ENTPD6: variants seen among roughly 807,000 people sequenced by gnomAD.
ENTPD6 encodes the protein CD39 antigen-like 2.
In ENTPD6, 46 loss-of-function variants were observed where a neutral mutation model predicts 61.5. The observed-to-expected ratio is 0.75, with a 90% CI of 0.59 to 0.96. The LOEUF (loss-of-function observed/expected upper bound fraction) is 0.96, where lower values mean the gene tolerates loss of function less well. ENTPD6 is among the 40% of genes least tolerant of loss of function. The pLI is 0.00. For missense variants in ENTPD6, 612 were observed against 629.0 expected, an observed-to-expected ratio of 0.97 and a Z score of 0.29; for synonymous variants, 252 against 255.5, an observed-to-expected ratio of 0.99 and a Z score of 0.13.
chr20:25,218,669 A>C, intron 10 of ENTPD6, 55 bp downstream of exon 10: 1 of 1,507,754 alleles, frequency 6.6e-7, no homozygotes, highest in Non-Finnish European at 8.9e-7. Flanking sequence ...CTCCATTCTC[A>C]GTGGGAACGA....
chr20:25,215,574 C>A (rs2092267632), intron 6 of ENTPD6, 102 bp from the exon 7 acceptor site: 1 of 1,229,316 alleles, frequency 8.1e-7, no homozygotes, highest in Non-Finnish European at 1.2e-6. Flanking sequence ...GAAGTGATCC[C>A]TTTATGCTCC....
At chr20:25,222,614 T>A in intron 11 of ENTPD6, 1 of 506,978 alleles carries the variant, frequency 2.0e-6, no homozygotes, top group Non-Finnish European at 3.5e-6. Context: ...GTGCCCACGG[T>A]CTTCACTCCC....
intron 1 of ENTPD6, among the ~76,000 whole-genome samples, chr20:25,203,190 T>G (rs531422424): frequency 6.6e-6 from 1 of 152,200 alleles, no homozygotes; most frequent in South Asian, 2.1e-4. Context: ...GCCATTCTTT[T>G]GCTGCTTTCA....
In ENTPD6 at chr20:25,215,664, A is replaced by G. The variant is rs114620027; in HGVS notation, c.674-12A>G. 2.7e-3 allele frequency: 4,396 copies of G among 1,613,880 alleles called. 115 individuals are homozygous for G. The African/African-American group carries it at 0.053, about 19-fold the overall frequency. On this transcript the variant is annotated splice_polypyrimidine_tract_variant and intron_variant, in intron 6 of 14. Transcript: ENST00000376652. ...AAGTGATTAAAATAATGCCTGTGAC[A>G]CTCTCTTGCAGGCGTTTCGGCGTGG...
At chr20:25,200,094 G>A (rs2090912593) in intron 1 of ENTPD6, among the ~76,000 whole-genome samples, 1 of 152,206 alleles carries the variant, frequency 6.6e-6, no homozygotes, top group Admixed American at 6.5e-5. Flanking sequence ...CCCACCAGCA[G>A]CGCACAAGGG....
In ENTPD6 at chr20:25,225,561, C is replaced by T. The variant is rs200498069; in HGVS notation, c.1419C>T (p.Ile473=). ...SWALGAIFHY[I]DSLNRQKSPA... ...CTCTGGGGGCCATTTTTCATTACAT[C>T]GACTCCCTGAACAGACAGAAGAGTC... Residue 473 remains isoleucine, a synonymous_variant, in exon 15 of 15, where the codon ATC becomes ATT. Coordinates refer to ENST00000376652, the MANE Select transcript of ENTPD6 (RefSeq NM_001247.5). 47 of 1,614,070 alleles carry T rather than the reference C, an allele frequency of 2.9e-5. No homozygotes were observed. The Middle Eastern group carries it at 1.3e-3, about 45-fold the overall frequency.
At chr20:25,200,509 T>G (rs968035252) in intron 1 of ENTPD6, among the ~76,000 whole-genome samples, 1 of 152,210 alleles carries the variant, frequency 6.6e-6, no homozygotes, top group African/African-American at 2.4e-5. Flanking sequence ...AATTCTTTAT[T>G]ATTTATCTTG....
chr20:25,227,999 G>A lies in ENTPD6; in HGVS notation c.*2402G>A, dbSNP rs555723095. 3.9e-5 allele frequency among the ~76,000 whole-genome samples: 6 copies of A among 152,232 alleles called. No homozygotes were observed. In the East Asian group the frequency reaches 9.6e-4, roughly 24 times the overall value. ...GAAACATCTGTTCATATCCCTTGCC[G>A]ATTTTCTATAAGATTGTCATCATTT... On this transcript the variant is annotated 3_prime_UTR_variant, in exon 15 of 15. Transcript: ENST00000376652.
At chr20:25,202,180 A>T (rs2091095905) in intron 1 of ENTPD6, among the ~76,000 whole-genome samples, 1 of 152,194 alleles carries the variant, frequency 6.6e-6, no homozygotes, top group Non-Finnish European at 1.5e-5. Context: ...CATTGTCTTC[A>T]TGTTGAGTAA....
At chr20:25,205,272 G>A (rs572278997) in intron 1 of ENTPD6, among the ~76,000 whole-genome samples, 7 of 152,282 alleles carry the variant, frequency 4.6e-5, no homozygotes, top group African/African-American at 1.7e-4. Flanking sequence ...CAGAGAGTGC[G>A]TGATGGGGCA....
chr20:25,225,504 T>C lies in ENTPD6; in HGVS notation c.1362T>C (p.Thr454=), dbSNP rs1304365062. The change falls in exon 15 of 15, where the codon ACT becomes ACC. Residue 454 remains threonine, a synonymous_variant. Transcript: ENST00000376652. ...TCCCTCTCTGTCTTTTCAAGCTCAC[T>C]CGGAAAATTGACAATGTTGAGACCA... ...GFPRSKVLKL[T]RKIDNVETSW... is the part of the protein sequence containing the mutation. 1 of 1,613,654 alleles carries C rather than the reference T, an allele frequency of 6.2e-7. No homozygotes were observed. Among genetic ancestry groups the C allele is most frequent in the African/African-American group, 1.3e-5 (1 of 74,898 alleles).
chr20:25,196,184 G>A (rs2090380838), intron 1 of ENTPD6: 2 of 1,201,018 alleles, frequency 1.7e-6, no homozygotes, highest in African/African-American at 1.6e-5. Flanking sequence ...CCCAGTCTGC[G>A]TCAGGGACAG....
chr20:25,206,449 G>T, intron 1 of ENTPD6, 73 bp from the exon 2 acceptor site: 1 of 1,166,804 alleles, frequency 8.6e-7, no homozygotes, highest in Non-Finnish European at 1.3e-6. Flanking sequence ...GGCACCCAGT[G>T]AATTTATTTT....
chr20:25,211,704 G>A (rs2091971309), intron 4 of ENTPD6, among the ~76,000 whole-genome samples: 1 of 152,178 alleles, frequency 6.6e-6, no homozygotes, highest in African/African-American at 2.4e-5. Flanking sequence ...CTCTTCTGAA[G>A]GACATTTAGA....
At chr20:25,217,716 C>G (rs994956193) in intron 9 of ENTPD6, 135 bp downstream of exon 9, 6 of 661,006 alleles carry the variant, frequency 9.1e-6, no homozygotes, top group Non-Finnish European at 1.6e-5. Context: ...AGACCTCTCT[C>G]TCCTCCTCCT....
Position 25,225,312 on chromosome 20 carries a change from C to T in ENTPD6, c.1351C>T (p.Leu451=), listed in dbSNP as rs751331442. The change falls in exon 14 of 15, where the codon CTG becomes TTG. Residue 451 remains leucine, a synonymous_variant. Transcript: ENST00000376652. Reference sequence around the variant, plus strand: ...GTTCGGCTTTCCCAGGAGCAAAGTGCTGAAGGTAAGGGTGCCCTCAGGTCA... The same window carrying T: ...GTTCGGCTTTCCCAGGAGCAAAGTGTTGAAGGTAAGGGTGCCCTCAGGTCA... The part of the protein sequence containing the change: ...QEFGFPRSKV[L]KLTRKIDNVE... 3.1e-6 allele frequency: 5 copies of T among 1,612,904 alleles called. No homozygotes were observed.
chr20:25,203,096 G>C (rs552450868), intron 1 of ENTPD6, among the ~76,000 whole-genome samples: 2 of 152,252 alleles, frequency 1.3e-5, no homozygotes, highest in East Asian at 3.9e-4. Context: ...CAGTTTGGGG[G>C]TATCTTCCCA....
intron 6 of ENTPD6, 52 bp from the exon 7 acceptor site, chr20:25,215,624 T>C (rs2092268672): frequency 1.3e-6 from 2 of 1,598,306 alleles, no homozygotes; most frequent in Non-Finnish European, 1.7e-6. Context: ...CTGTGTGTTA[T>C]GCTTTCAGCA....
chr20:25,207,544 T>A, intron 3 of ENTPD6, 147 bp downstream of exon 3: 14 of 717,934 alleles, frequency 2.0e-5, no homozygotes, highest in Non-Finnish European at 3.0e-5. Flanking sequence ...GGTCCAAGCA[T>A]CTGAATTTCC....
Sources: allele counts gnomAD v4.1 joint callset (sites outside exome capture counted in the v4.1 genomes callset), GRCh38; gene constraint gnomAD v4.1.1; transcripts MANE v1.5; gene names NCBI Gene and HGNC (gene_info 2026-07-23, HGNC 2026-07-21).